RBFOX1: variants seen among roughly 807,000 people sequenced by gnomAD.
RBFOX1 encodes the protein RNA binding protein fox-1 homolog 1.
RBFOX1 carries 8 observed loss-of-function variants against 57.7 expected under a neutral mutation model. The observed-to-expected ratio is 0.14, with a 90% CI of 0.08 to 0.25. The LOEUF (loss-of-function observed/expected upper bound fraction) is 0.25, where lower values mean the gene tolerates loss of function less well. Among genes scored for constraint, RBFOX1 ranks in the 10% least tolerant of loss-of-function variants. The pLI, the probability that RBFOX1 is intolerant of heterozygous loss-of-function variation, is 1.00. For synonymous variants in RBFOX1, 326 were observed against 222.4 expected, an observed-to-expected ratio of 1.47 and a Z score of -4.15; for missense variants, 611 against 548.5, an observed-to-expected ratio of 1.11 and a Z score of -1.14.
At chr16:7,334,311 T>G (rs1452505225) in intron 4 of RBFOX1, among the ~76,000 whole-genome samples, 1 of 152,154 alleles carries the variant, frequency 6.6e-6, no homozygotes, top group Non-Finnish European at 1.5e-5. Flanking sequence ...AACGGTCCTT[T>G]GCAGCGTGGA....
intron 4 of RBFOX1, among the ~76,000 whole-genome samples, chr16:7,386,520 C>T (rs1406137300): frequency 6.6e-6 from 1 of 151,862 alleles, no homozygotes; most frequent in Non-Finnish European, 1.5e-5. Flanking sequence ...ATGATGGTTT[C>T]CACCTTCATC....
intron 2 of RBFOX1, among the ~76,000 whole-genome samples, chr16:6,478,406 TATATATATATATATATATATA>T (rs1341763319): frequency 1.3e-3 from 25 of 18,882 alleles, no homozygotes; most frequent in Admixed American, 8.1e-3. Flanking sequence ...TATATATATA[TATATATATATATATATATATA>T]TATTTTTTTT....
At chr16:7,633,674 C>G (rs763676212) in intron 11 of RBFOX1, among the ~76,000 whole-genome samples, 1 of 152,136 alleles carries the variant, frequency 6.6e-6, no homozygotes, top group Non-Finnish European at 1.5e-5. Flanking sequence ...TGGTCAATCT[C>G]GATTAGTATT....
intron 4 of RBFOX1, among the ~76,000 whole-genome samples, chr16:7,190,091 TG>T (rs2084997303): frequency 1.3e-5 from 2 of 152,224 alleles, no homozygotes; most frequent in Non-Finnish European, 2.9e-5. Context: ...CCGGGCACAG[TG>T]GCTCACTCCT....
At position 7,239,179 on chromosome 16, in the gene RBFOX1, C is replaced by G. The variant is rs1020278549; in HGVS notation, c.27+187081C>G. Among the ~76,000 whole-genome samples, 8 of 152,084 alleles carry G rather than the reference C, an allele frequency of 5.3e-5. No individual in the cohort carries two copies. In the East Asian group the frequency reaches 9.6e-4, roughly 18 times the overall value. On this transcript the variant is annotated intron_variant, in intron 4 of 15. Transcript: ENST00000550418. The stretch of plus-strand genomic sequence containing the variant: ...TGCAGTTTGATATATGATGAGGCTA[C>G]TTCTACCATTGATGTAGGTACTGTG...
chr16:5,489,035 C>A (rs1015865755), intron 2 of RBFOX1, among the ~76,000 whole-genome samples: 2 of 152,194 alleles, frequency 1.3e-5, no homozygotes, highest in Admixed American at 6.5e-5. Context: ...TACATAAGAA[C>A]GCCAAGGCAG....
At chr16:7,483,071 C>T (rs550938598) in intron 4 of RBFOX1, among the ~76,000 whole-genome samples, 106 of 152,292 alleles carry the variant, frequency 7.0e-4, no homozygotes, top group African/African-American at 2.5e-3. Flanking sequence ...ACCCTCGTCA[C>T]TAAAAGGTGC....
chr16:6,617,977 C>G (rs185526982), intron 2 of RBFOX1, among the ~76,000 whole-genome samples: 2 of 152,294 alleles, frequency 1.3e-5, no homozygotes, highest in East Asian at 3.9e-4. Flanking sequence ...CAAGTGCTTT[C>G]AGAAGGCTAC....
At chr16:6,449,698 C>G (rs929850341) in intron 2 of RBFOX1, among the ~76,000 whole-genome samples, 13 of 152,070 alleles carry the variant, frequency 8.5e-5, no homozygotes, top group African/African-American at 3.1e-4. Flanking sequence ...TTCTGGAGTG[C>G]TGTTTAAGAG....
chr16:5,812,381 C>G (rs1470375419), intron 3 of RBFOX1, among the ~76,000 whole-genome samples: 1 of 152,066 alleles, frequency 6.6e-6, no homozygotes, highest in South Asian at 2.1e-4. Flanking sequence ...AGTGGTTGAA[C>G]CATGTTACAT....
Position 6,641,867 on chromosome 16 carries a change from C to T in RBFOX1, c.-63-12736C>T, listed in dbSNP as rs149672040. On this transcript the variant is annotated intron_variant, in intron 2 of 15. Coordinates refer to ENST00000550418, the MANE Select transcript of RBFOX1 (RefSeq NM_018723.4). ...AACGTGTTTCCTTCTTTGGAGATTA[C>T]CCACTTTAGCTCACCTGGGGAACAC... 4.8e-3 allele frequency among the ~76,000 whole-genome samples: 728 copies of T among 151,646 alleles called. 10 individuals carry two copies. The highest frequency in any genetic ancestry group is 0.016 in the African/African-American group (659 of 41,302).
At chr16:6,602,472 G>A (rs2097864547) in intron 2 of RBFOX1, among the ~76,000 whole-genome samples, 1 of 152,124 alleles carries the variant, frequency 6.6e-6, no homozygotes, top group Non-Finnish European at 1.5e-5. Flanking sequence ...ACTCCAGCTG[G>A]AAGGAGAGAG....
intron 1 of RBFOX1, among the ~76,000 whole-genome samples, chr16:5,311,426 T>C (rs2151221760): frequency 6.6e-6 from 1 of 152,306 alleles, no homozygotes; most frequent in East Asian, 1.9e-4. Context: ...AGTAGTGGGA[T>C]TGCTGAATTG....
chr16:6,373,144 G>T (rs2090706932), intron 2 of RBFOX1, among the ~76,000 whole-genome samples: 1 of 152,162 alleles, frequency 6.6e-6, no homozygotes, highest in Admixed American at 6.5e-5. Context: ...TGGGAGGATT[G>T]TTGTTTAGGA....
chr16:5,355,137 G>A (rs1406840172), intron 1 of RBFOX1, among the ~76,000 whole-genome samples: 1 of 152,184 alleles, frequency 6.6e-6, no homozygotes, highest in Admixed American at 6.5e-5. Context: ...CTCAGAAGAG[G>A]TGTGTCCTTC....
intron 3 of RBFOX1, among the ~76,000 whole-genome samples, chr16:6,697,458 C>G (rs1024441575): frequency 6.6e-6 from 1 of 152,196 alleles, no homozygotes; most frequent in African/African-American, 2.4e-5. Context: ...GTGAGACTGA[C>G]TTCAGGAATT....
intron 3 of RBFOX1, among the ~76,000 whole-genome samples, chr16:6,676,956 A>G (rs1197027387): frequency 1.3e-5 from 2 of 152,126 alleles, no homozygotes; most frequent in African/African-American, 2.4e-5. Context: ...GATTACAGGC[A>G]TGAGCCACCA....
Position 6,667,237 on chromosome 16 carries a change from T to G in RBFOX1, c.-16+12587T>G, listed in dbSNP as rs2098738632. Among the ~76,000 whole-genome samples the G allele has an allele frequency of 7.9e-5, 12 of 152,212 alleles. No individual in the cohort carries two copies. The South Asian group carries it at 2.5e-3, about 32-fold the overall frequency. On this transcript the variant is annotated intron_variant, in intron 3 of 15. Transcript: ENST00000550418. ...GATGATGAGAAGCTGCTGGGCACCC[T>G]CAGCAGTGCCATGGACACAGTGGTA...
At chr16:5,343,481 A>ATT (rs5815238) in intron 1 of RBFOX1, among the ~76,000 whole-genome samples, 14,064 of 147,420 alleles carry the variant, frequency 0.095, 914 homozygotes, top group African/African-American at 0.18. Flanking sequence ...CACCAGGCTA[A>ATT]TTTTTTTTTT....
Sources: gnomAD v4.1 joint callset for allele counts (sites outside exome capture counted in the v4.1 genomes callset) on GRCh38, gnomAD v4.1.1 for gene constraint, MANE v1.5 for transcripts, NCBI Gene and HGNC (gene_info 2026-07-23, HGNC 2026-07-21) for gene names.